Variants in FAM135A observed in about 807,000 individuals in gnomAD.
The protein encoded by FAM135A is protein FAM135A.
FAM135A carries 79 observed loss-of-function variants against 146.8 expected under a neutral mutation model. The observed-to-expected ratio is 0.54, with a 90% CI of 0.45 to 0.65. The LOEUF (loss-of-function observed/expected upper bound fraction) is 0.65. Among genes scored for constraint, FAM135A ranks in the 30% least tolerant of loss-of-function variants. The pLI is 0.00. For missense variants in FAM135A, 1,623 were observed against 1,758.2 expected (o/e 0.92, Z 1.38); for synonymous variants, 562 against 603.6 (o/e 0.93, Z 1.01).
At chr6:70,423,904 C>G (rs1371034463) in intron 2 of FAM135A, among the ~76,000 whole-genome samples, 1 of 152,228 alleles carries the variant, frequency 6.6e-6, no homozygotes, top group Non-Finnish European at 1.5e-5. Context: ...GACCTATAAA[C>G]AAATCACAGT....
At chr6:70,460,368 C>T (rs1403752780) in intron 5 of FAM135A, among the ~76,000 whole-genome samples, 2 of 152,182 alleles carry the variant, frequency 1.3e-5, no homozygotes, top group African/African-American at 2.4e-5. Flanking sequence ...ACAGTCCCAC[C>T]ATTTTTTTCT....
chr6:70,499,442 C>T (rs1387423547), intron 11 of FAM135A, among the ~76,000 whole-genome samples: 2 of 152,122 alleles, frequency 1.3e-5, no homozygotes, highest in East Asian at 3.8e-4. Context: ...TCCAATTTGC[C>T]AGTCTGTGTT....
At chr6:70,478,181 G>T (rs905851736) in intron 8 of FAM135A, among the ~76,000 whole-genome samples, 3 of 152,014 alleles carry the variant, frequency 2.0e-5, no homozygotes, top group African/African-American at 7.2e-5. Flanking sequence ...TAGTTCAAAG[G>T]TATATAATAT....
intron 4 of FAM135A, among the ~76,000 whole-genome samples, chr6:70,443,340 T>C (rs1250206470): frequency 1.3e-5 from 2 of 152,370 alleles, no homozygotes; most frequent in East Asian, 3.9e-4. Flanking sequence ...CCTAGTGCAA[T>C]ACATTACTTT....
chr6:70,483,148 T>C (rs943744863), intron 10 of FAM135A, among the ~76,000 whole-genome samples: 2 of 152,172 alleles, frequency 1.3e-5, no homozygotes, highest in African/African-American at 4.8e-5. Flanking sequence ...TGTAAGAATT[T>C]CTACCCCACT....
At chr6:70,501,174 C>A (rs1788407025) in intron 11 of FAM135A, among the ~76,000 whole-genome samples, 1 of 152,224 alleles carries the variant, frequency 6.6e-6, no homozygotes, top group Non-Finnish European at 1.5e-5. Flanking sequence ...GGCTGTTACC[C>A]TTCCTTCAGT....
chr6:70,511,877 A>G (rs558214439), intron 12 of FAM135A, among the ~76,000 whole-genome samples: 2 of 152,050 alleles, frequency 1.3e-5, no homozygotes, highest in African/African-American at 4.8e-5. Context: ...CTGTGTTGCA[A>G]CACAGTGGTA....
intron 12 of FAM135A, among the ~76,000 whole-genome samples, chr6:70,509,701 TC>T (rs1171492248): frequency 6.6e-6 from 1 of 152,188 alleles, no homozygotes; most frequent in Non-Finnish European, 1.5e-5. Flanking sequence ...ATTTTGTCAT[TC>T]CCATTTTATA....
At chr6:70,486,671 G>A (rs1377655061) in intron 10 of FAM135A, among the ~76,000 whole-genome samples, 1 of 152,166 alleles carries the variant, frequency 6.6e-6, no homozygotes, top group East Asian at 1.9e-4. Context: ...ACTCACGCCT[G>A]TAATCCCAGC....
chr6:70,454,324 T>C (rs1263317147), intron 5 of FAM135A, among the ~76,000 whole-genome samples: 3 of 152,244 alleles, frequency 2.0e-5, no homozygotes, highest in Non-Finnish European at 2.9e-5. Context: ...GTCAGATGGG[T>C]AGATTGCAAG....
At chr6:70,559,159 G>A (rs1046942068) in intron 21 of FAM135A, among the ~76,000 whole-genome samples, 5 of 152,040 alleles carry the variant, frequency 3.3e-5, no homozygotes, top group Admixed American at 1.3e-4. Context: ...ACCAAATTTC[G>A]GCTGGGCGCA....
intron 20 of FAM135A, among the ~76,000 whole-genome samples, chr6:70,546,445 A>G (rs1295006940): frequency 6.6e-6 from 1 of 152,194 alleles, no homozygotes. Context: ...TTTTTATTTA[A>G]GCAAAGCCTC....
intron 2 of FAM135A, among the ~76,000 whole-genome samples, chr6:70,424,997 G>T (rs890538529): frequency 3.3e-5 from 5 of 151,540 alleles, no homozygotes; most frequent in Admixed American, 2.0e-4. Flanking sequence ...TAAGGAAAAG[G>T]CCAGCTTACT....
At chr6:70,482,634 A>G (rs551418650) in intron 10 of FAM135A, among the ~76,000 whole-genome samples, 14 of 152,128 alleles carry the variant, frequency 9.2e-5, no homozygotes, top group Non-Finnish European at 1.8e-4. Flanking sequence ...TAGTATTTTA[A>G]CATTTTAAAA....
intron 6 of FAM135A, 44 bp from the exon 7 acceptor site, chr6:70,475,619 C>G (rs757358656): frequency 3.1e-6 from 5 of 1,587,470 alleles, no homozygotes; most frequent in Admixed American, 1.8e-5. Context: ...TTCTAACTTT[C>G]TATAAAATTT....
At chr6:70,504,034 A>G (rs1201226368) in intron 12 of FAM135A, 4 of 152,222 alleles carry the variant, frequency 2.6e-5, no homozygotes, top group African/African-American at 4.8e-5. Flanking sequence ...TAGGTTATGC[A>G]TAACTTCAAT....
At chr6:70,511,452 A>T (rs1790991483) in intron 12 of FAM135A, among the ~76,000 whole-genome samples, 1 of 151,954 alleles carries the variant, frequency 6.6e-6, no homozygotes, top group Non-Finnish European at 1.5e-5. Context: ...AATACTTATT[A>T]CATGCAATGG....
intron 19 of FAM135A, among the ~76,000 whole-genome samples, chr6:70,537,779 T>C (rs575640112): frequency 2.0e-5 from 3 of 152,228 alleles, no homozygotes; most frequent in Admixed American, 2.0e-4. Flanking sequence ...ACTGATAATA[T>C]AAAAAAATAA....
At chr6:70,513,005 T>G (rs528061296) in intron 12 of FAM135A, among the ~76,000 whole-genome samples, 4 of 151,712 alleles carry the variant, frequency 2.6e-5, no homozygotes, top group South Asian at 2.1e-4. Context: ...TCTGTTCAGG[T>G]TTTTGACATC....
Sources: allele counts gnomAD v4.1 joint callset (sites outside exome capture counted in the v4.1 genomes callset), GRCh38; gene constraint gnomAD v4.1.1; transcripts MANE v1.5; gene names NCBI Gene and HGNC (gene_info 2026-07-23, HGNC 2026-07-21).